Variants in CDC42BPA observed in about 807,000 individuals in gnomAD.
CDC42BPA encodes serine/threonine-protein kinase MRCK alpha.
In CDC42BPA, 80 loss-of-function variants were observed where a neutral mutation model predicts 223.5. The ratio of observed to expected loss-of-function variants is 0.36; its 90% confidence interval spans 0.30 to 0.43. CDC42BPA has a LOEUF of 0.43. Ranked by LOEUF, CDC42BPA falls within the 20% of genes least tolerant of loss-of-function variation. CDC42BPA has a pLI of 1.00. For missense variants in CDC42BPA, 1,743 were observed against 2,099.9 expected (o/e 0.83, Z 3.32); for synonymous variants, 694 against 718.6 (o/e 0.97, Z 0.55).
At chr1:227,254,266 T>G (rs959684441) in intron 1 of CDC42BPA, 111 bp from the exon 2 acceptor site, 1 of 578,250 alleles carries the variant, frequency 1.7e-6, no homozygotes, top group African/African-American at 2.0e-5. Flanking sequence ...ATTTAAGAAT[T>G]GTCAAAATAT....
intron 22 of CDC42BPA, among the ~76,000 whole-genome samples, chr1:227,048,801 C>G (rs1672985724): frequency 6.8e-6 from 1 of 146,838 alleles, no homozygotes; most frequent in African/African-American, 2.5e-5. Flanking sequence ...TTTCAGGATG[C>G]CAAGCAAAAA....
chr1:227,179,632 T>A (rs1465478516), intron 5 of CDC42BPA, among the ~76,000 whole-genome samples: 2 of 1,770 alleles, frequency 1.1e-3, no homozygotes, highest in Non-Finnish European at 3.4e-3. Flanking sequence ...CGAGCCTCCA[T>A]CTCAAAAAAA....
intron 3 of CDC42BPA, among the ~76,000 whole-genome samples, chr1:227,212,096 T>TTTG (rs1674023157): frequency 2.7e-5 from 4 of 150,616 alleles, no homozygotes; most frequent in Admixed American, 2.0e-4. Context: ...TTGTTTGTTT[T>TTTG]TTTTAGTTTA....
At chr1:227,095,990 C>G (rs367579187) in intron 15 of CDC42BPA, among the ~76,000 whole-genome samples, 1 of 152,070 alleles carries the variant, frequency 6.6e-6, no homozygotes, top group Non-Finnish European at 1.5e-5. Flanking sequence ...AAATGAAATT[C>G]CATGTGGATC....
intron 24 of CDC42BPA, among the ~76,000 whole-genome samples, chr1:227,038,739 A>G (rs1670799416): frequency 6.6e-6 from 1 of 152,234 alleles, no homozygotes; most frequent in Non-Finnish European, 1.5e-5. Flanking sequence ...TCTTTGAAGA[A>G]CAGCAGCAGG....
intron 21 of CDC42BPA, among the ~76,000 whole-genome samples, chr1:227,053,271 G>T (rs1251444009): frequency 6.6e-6 from 1 of 152,156 alleles, no homozygotes; most frequent in Non-Finnish European, 1.5e-5. Flanking sequence ...AGGCTAGCAG[G>T]CTGGGAAACA....
Position 227,317,703 on chromosome 1 carries a change from GT to G in CDC42BPA, c.-522del. On this transcript the variant is annotated 5_prime_UTR_variant, in exon 1 of 37. The change creates a premature stop within an existing upstream ORF in the 5' untranslated region. Coordinates refer to ENST00000366766, the MANE Select transcript of CDC42BPA (RefSeq NM_001394014.1). ...AGAAGGGGGAGGGAAAACCAAAAAT[GT>G]TGCTGCAAATCCTCCCAACCACCAC... 1 of 398,466 alleles carries G rather than the reference GT, an allele frequency of 2.5e-6. No individual in the cohort carries two copies. The highest frequency in any genetic ancestry group is 4.4e-6 in the Non-Finnish European group (1 of 226,066). 24.7% of individuals were successfully genotyped at this position (398,466 alleles called of 1,614,324 possible). A position where few individuals can be genotyped will look rare whatever the true frequency, so the allele number is the denominator to read the frequency against.
chr1:227,047,927 C>A lies in CDC42BPA; in HGVS notation c.3093G>T (p.Lys1031Asn). ...GCPGSTGFPP[K>N]RKTHQFFVKS... ...CTATGCTTATAACTAGATTGAGTAC[C>A]TTAGGTGGAAAGCCAGTTGAACCAG... is the stretch of plus-strand genomic sequence containing the variant. Residue 1031 changes from lysine (K) to asparagine (N), a missense_variant and splice_region_variant, in exon 23 of 37, where the codon AAG becomes AAT. Around this residue, in one of 6 missense-constraint regions of CDC42BPA, gnomAD observed 678 missense variants for 777.5 expected, o/e 0.87. Transcript: ENST00000366766. The A allele has an allele frequency of 6.3e-7, 1 of 1,590,458 alleles. No individual in the cohort carries two copies. The highest frequency in any genetic ancestry group is 8.6e-7 in the Non-Finnish European group (1 of 1,159,472).
chr1:227,080,082 C>T (rs1475433599), intron 17 of CDC42BPA, among the ~76,000 whole-genome samples: 2 of 152,134 alleles, frequency 1.3e-5, no homozygotes, highest in South Asian at 4.1e-4. Flanking sequence ...TGTGGTGTCA[C>T]GTCAGCACTC....
intron 21 of CDC42BPA, chr1:227,069,567 T>C (rs1025621387): frequency 5.4e-6 from 2 of 371,188 alleles, no homozygotes. Flanking sequence ...CATGATTAAA[T>C]CTTTCTTAGA....
intron 23 of CDC42BPA, among the ~76,000 whole-genome samples, chr1:227,045,737 C>T (rs939427487): frequency 2.0e-5 from 3 of 152,110 alleles, no homozygotes; most frequent in Non-Finnish European, 4.4e-5. Context: ...CTTGAGACTT[C>T]TTGTTCTCAT....
intron 4 of CDC42BPA, among the ~76,000 whole-genome samples, chr1:227,197,798 A>G (rs1670996286): frequency 6.6e-6 from 1 of 152,164 alleles, no homozygotes; most frequent in African/African-American, 2.4e-5. Flanking sequence ...ATCATGATAC[A>G]TTGCTATAAT....
intron 1 of CDC42BPA, among the ~76,000 whole-genome samples, chr1:227,263,264 C>T (rs1684405009): frequency 6.6e-6 from 1 of 152,056 alleles, no homozygotes; most frequent in Non-Finnish European, 1.5e-5. Context: ...CACTTTCTCA[C>T]ACAGAAAAGC....
intron 1 of CDC42BPA, among the ~76,000 whole-genome samples, chr1:227,270,757 C>T (rs1685831831): frequency 6.6e-6 from 1 of 152,170 alleles, no homozygotes; most frequent in African/African-American, 2.4e-5. Context: ...CCCACCACCA[C>T]ATCCCATGCC....
chr1:227,022,808 C>G (rs1667629180), intron 32 of CDC42BPA, among the ~76,000 whole-genome samples: 1 of 152,168 alleles, frequency 6.6e-6, no homozygotes, highest in Non-Finnish European at 1.5e-5. Context: ...CCATGACTCT[C>G]CTCTCTTTCC....
Position 227,192,363 on chromosome 1 carries a change from T to C in CDC42BPA, c.599+1423A>G, listed in dbSNP as rs76206180. On this transcript the variant is annotated intron_variant, in intron 5 of 36. Coordinates refer to ENST00000366766, the MANE Select transcript of CDC42BPA (RefSeq NM_001394014.1). The stretch of plus-strand genomic sequence containing the variant: ...GCAGCATCACCACCTGGCAACTTGT[T>C]AGAGATGGCAATTCCCCAGCCCGAC... Among the ~76,000 whole-genome samples, 5 of 152,262 alleles carry C rather than the reference T, an allele frequency of 3.3e-5. No homozygotes were observed. In the East Asian group the frequency reaches 9.6e-4, roughly 29 times the overall value.
rs1334929090 is a variant in CDC42BPA, at chr1:227,061,520, A to G, written c.2904+8257T>C. On this transcript the variant is annotated intron_variant, in intron 21 of 36. Transcript: ENST00000366766. Reference sequence around the variant, plus strand: ...ACTTCCTCAGCCAGATTTCTGAAAAATGGTATACAAATGCCGTCTGTATTT... The same window carrying G: ...ACTTCCTCAGCCAGATTTCTGAAAAGTGGTATACAAATGCCGTCTGTATTT... Among the ~76,000 whole-genome samples the G allele has an allele frequency of 2.8e-5, 4 of 144,262 alleles. No individual in the cohort carries two copies. The East Asian group carries it at 6.3e-4, about 23-fold the overall frequency. 94.6% of individuals were successfully genotyped at this position (144,262 alleles called of 152,430 possible). A position where few individuals can be genotyped will look rare whatever the true frequency, so the allele number is the denominator to read the frequency against.
At chr1:227,056,088 A>T (rs536530241) in intron 21 of CDC42BPA, among the ~76,000 whole-genome samples, 1 of 152,276 alleles carries the variant, frequency 6.6e-6, no homozygotes, top group South Asian at 2.1e-4. Flanking sequence ...TTTTTAGATG[A>T]CCCACTTATC....
At chr1:227,226,157 A>T (rs1676831891) in intron 2 of CDC42BPA, among the ~76,000 whole-genome samples, 1 of 152,206 alleles carries the variant, frequency 6.6e-6, no homozygotes, top group Non-Finnish European at 1.5e-5. Context: ...CCCATATTTC[A>T]ATACTGTTCT....
Sources: gnomAD v4.1 joint callset for allele counts (sites outside exome capture counted in the v4.1 genomes callset) on GRCh38, gnomAD v4.1.1 for gene constraint, gnomAD v4.1.1 regional missense constraint, MANE v1.5 for transcripts, NCBI Gene and HGNC (gene_info 2026-07-23, HGNC 2026-07-21) for gene names.